The following HAT1 variants were observed in gnomAD, a reference collection of about 807,000 sequenced individuals.
HAT1 encodes the protein histone acetyltransferase 1.
HAT1 carries 20 observed loss-of-function variants against 56.6 expected under a neutral mutation model. That is an observed-to-expected ratio of 0.35 (90% CI 0.25 to 0.51). The LOEUF is 0.51. HAT1 is among the 20% of genes least tolerant of loss of function. The pLI is 0.95. For synonymous variants in HAT1, 146 were observed against 165.5 expected (o/e 0.88, Z 0.91); for missense variants, 408 against 504.3 (o/e 0.81, Z 1.83).
chr2:171,959,005 C>T (rs1213599512), intron 4 of HAT1, among the ~76,000 whole-genome samples: 4 of 152,114 alleles, frequency 2.6e-5, no homozygotes, highest in African/African-American at 7.2e-5. Flanking sequence ...TGTTTTTCCC[C>T]ACTTCCCAGC....
intron 2 of HAT1, among the ~76,000 whole-genome samples, chr2:171,929,791 A>G (rs1345147312): frequency 1.3e-5 from 2 of 152,124 alleles, no homozygotes; most frequent in African/African-American, 2.4e-5. Context: ...TTTCTCATTC[A>G]TTGTCTGTTT....
chr2:171,943,183 C>A (rs905590493), intron 2 of HAT1, among the ~76,000 whole-genome samples: 2 of 151,194 alleles, frequency 1.3e-5, no homozygotes, highest in Non-Finnish European at 2.9e-5. Flanking sequence ...GGGCAGATCA[C>A]CTGAGGTCAG....
Position 171,976,323 on chromosome 2 carries a change from T to C in HAT1, c.975+15T>C. On this transcript the variant is annotated intron_variant, in intron 9 of 10. Coordinates refer to ENST00000264108, the MANE Select transcript of HAT1 (RefSeq NM_003642.4). ...AAATAAATAAGGTATTTTTATTCTG[T>C]AGGAGGAAAACAGATTTAAATTACA... The C allele has an allele frequency of 6.7e-7, 1 of 1,481,970 alleles. No individual in the cohort carries two copies. Among genetic ancestry groups the C allele is most frequent in the Non-Finnish European group, 9.2e-7 (1 of 1,091,286 alleles). The allele number at this position is 1,481,970 out of a possible 1,614,324, so 91.8% of individuals were successfully genotyped here.
At chr2:171,977,475 A>G (rs1052951759) in intron 9 of HAT1, among the ~76,000 whole-genome samples, 1 of 142,428 alleles carries the variant, frequency 7.0e-6, no homozygotes, top group Non-Finnish European at 1.5e-5. Context: ...AAAAAAAAAA[A>G]GAAAAGAAAT....
At chr2:171,928,788 G>A (rs886341598) in intron 2 of HAT1, among the ~76,000 whole-genome samples, 4 of 152,176 alleles carry the variant, frequency 2.6e-5, no homozygotes, top group African/African-American at 4.8e-5. Context: ...GATTACAGGC[G>A]TGAGCCACCG....
chr2:171,980,504 C>T (rs1688105553), intron 10 of HAT1: 2 of 151,996 alleles, frequency 1.3e-5, no homozygotes, highest in African/African-American at 4.8e-5. Flanking sequence ...TCAAATTGGC[C>T]TTATCATTTG....
intron 2 of HAT1, among the ~76,000 whole-genome samples, chr2:171,927,768 TTAG>T (rs1188508107): frequency 6.6e-6 from 1 of 151,744 alleles, no homozygotes; most frequent in Non-Finnish European, 1.5e-5. Flanking sequence ...TTTTGTGTTT[TTAG>T]TAGAGATAGG....
chr2:171,934,360 A>C (rs1014488551), intron 2 of HAT1, among the ~76,000 whole-genome samples: 1 of 152,218 alleles, frequency 6.6e-6, no homozygotes, highest in African/African-American at 2.4e-5. Flanking sequence ...TAAGTATTTT[A>C]TTAATCAGTG....
intron 3 of HAT1, among the ~76,000 whole-genome samples, chr2:171,948,739 G>A (rs1460358643): frequency 6.6e-6 from 1 of 152,124 alleles, no homozygotes; most frequent in Non-Finnish European, 1.5e-5. Flanking sequence ...GGCTAATTTT[G>A]TAGAACTGTT....
At chr2:171,948,519 C>T (rs1012459745) in intron 3 of HAT1, among the ~76,000 whole-genome samples, 4 of 152,124 alleles carry the variant, frequency 2.6e-5, no homozygotes, top group African/African-American at 7.2e-5. Flanking sequence ...CTACCATGCC[C>T]GGCCTGATAC....
At chr2:171,937,900 T>C (rs1000728809) in intron 2 of HAT1, among the ~76,000 whole-genome samples, 3 of 152,158 alleles carry the variant, frequency 2.0e-5, no homozygotes, top group Non-Finnish European at 2.9e-5. Flanking sequence ...TACACACTTA[T>C]AGTCTCAGCT....
At chr2:171,930,920 A>AT (rs577786818) in intron 2 of HAT1, among the ~76,000 whole-genome samples, 35 of 146,936 alleles carry the variant, frequency 2.4e-4, no homozygotes, top group African/African-American at 5.2e-4. Context: ...CAGCTATAGG[A>AT]TTTTTTTTTT....
intron 4 of HAT1, among the ~76,000 whole-genome samples, chr2:171,961,092 A>G (rs1194026632): frequency 6.6e-6 from 1 of 152,128 alleles, no homozygotes; most frequent in African/African-American, 2.4e-5. Context: ...CAGGAAGCCG[A>G]GTTCGCGCCA....
rs1284559109 is a variant in HAT1 at position 171,983,174 on chromosome 2, T to C, written c.1093-11T>C. 6.7e-7 allele frequency: 1 copy of C among 1,499,074 alleles called. No homozygotes were observed. The allele number at this position is 1,499,074 out of a possible 1,614,324, so 92.9% of individuals were successfully genotyped here. On this transcript the variant is annotated splice_polypyrimidine_tract_variant and intron_variant, in intron 10 of 10. Coordinates refer to ENST00000264108, the MANE Select transcript of HAT1 (RefSeq NM_003642.4). The stretch of plus-strand genomic sequence containing the variant: ...CTTTCTTCGTCTAACAAATAATTGT[T>C]TGTCACTTAGAAAAAGCAGAGAGAT...
chr2:171,957,650 T>G (rs1482270822), intron 4 of HAT1, among the ~76,000 whole-genome samples: 2 of 152,236 alleles, frequency 1.3e-5, no homozygotes, highest in African/African-American at 4.8e-5. Context: ...GCATGTGGGA[T>G]GGACATGAAT....
intron 8 of HAT1, among the ~76,000 whole-genome samples, chr2:171,970,942 T>G (rs915100031): frequency 6.6e-6 from 1 of 151,436 alleles, no homozygotes; most frequent in Non-Finnish European, 1.5e-5. Context: ...GGCTCACGCC[T>G]GTAATCCCAG....
intron 10 of HAT1, among the ~76,000 whole-genome samples, chr2:171,982,899 T>C (rs567422965): frequency 6.6e-6 from 1 of 152,240 alleles, no homozygotes; most frequent in African/African-American, 2.4e-5. Flanking sequence ...CTGCCCAGAG[T>C]TCTTTAAAGT....
chr2:171,966,216 A>T, intron 6 of HAT1, 193 bp from the exon 7 acceptor site: 1 of 630,072 alleles, frequency 1.6e-6, no homozygotes, highest in Non-Finnish European at 2.9e-6. Flanking sequence ...TGATGTAAAG[A>T]GGTCTGATTT....
chr2:171,974,854 T>C (rs151207727), intron 8 of HAT1, among the ~76,000 whole-genome samples: 116 of 152,362 alleles, frequency 7.6e-4, no homozygotes, highest in Middle Eastern at 3.4e-3. Flanking sequence ...TTTGTTAACA[T>C]GGTATATTAC....
Sources: allele counts gnomAD v4.1 joint callset (sites outside exome capture counted in the v4.1 genomes callset), GRCh38; gene constraint gnomAD v4.1.1; transcripts MANE v1.5; gene names NCBI Gene and HGNC (gene_info 2026-07-23, HGNC 2026-07-21).